Variants in AGAP1 observed in about 807,000 individuals in gnomAD.
AGAP1 encodes arf-GAP with GTPase, ANK repeat and PH domain-containing protein 1.
AGAP1 carries 29 observed loss-of-function variants against 105.3 expected under a neutral mutation model. That is an observed-to-expected ratio of 0.28 (90% CI 0.21 to 0.38). The LOEUF is 0.38. AGAP1 is among the 10% of genes least tolerant of loss of function. The probability of loss-of-function intolerance (pLI) is 1.00; values close to 1 mark genes in which losing one functional copy is unlikely to be tolerated. For missense variants in AGAP1, 998 were observed against 1,165.1 expected (o/e 0.86, Z 2.09); for synonymous variants, 509 against 485.9 (o/e 1.05, Z -0.63).
intron 8 of AGAP1, among the ~76,000 whole-genome samples, chr2:235,806,285 G>A (rs896647694): frequency 6.6e-6 from 1 of 152,106 alleles, no homozygotes; most frequent in African/African-American, 2.4e-5. Flanking sequence ...TGTGAGTAAT[G>A]TTCCCATTGA....
rs371438595 is a variant in AGAP1 at position 235,553,606 on chromosome 2, C to T, written c.163+58757C>T. On this transcript the variant is annotated intron_variant, in intron 1 of 17. Coordinates refer to ENST00000304032, the MANE Select transcript of AGAP1 (RefSeq NM_001037131.3). The surrounding 1 kb of genome is among the most constrained non-coding windows in gnomAD (Gnocchi z 4.5). ...CACATTTGGGGGTGTGGCATTTGTG[C>T]GTGAAGTGGAGCCTGGTCCCTGGTG... Among the ~76,000 whole-genome samples the T allele has an allele frequency of 1.8e-3, 272 of 152,072 alleles. 1 individual carries two copies. The highest frequency in any genetic ancestry group is 6.1e-3 in the African/African-American group (252 of 41,474).
At chr2:235,933,242 G>T (rs540117444) in intron 12 of AGAP1, among the ~76,000 whole-genome samples, 1 of 152,298 alleles carries the variant, frequency 6.6e-6, no homozygotes, top group African/African-American at 2.4e-5. Flanking sequence ...GCAGGAGGAA[G>T]TTATTATAAG....
chr2:235,513,349 C>G (rs1485300764), intron 1 of AGAP1, among the ~76,000 whole-genome samples: 1 of 151,754 alleles, frequency 6.6e-6, no homozygotes, highest in African/African-American at 2.4e-5. Flanking sequence ...GGTGAAACCC[C>G]GTCTCTACTA....
chr2:235,803,677 C>A (rs1957695416), intron 8 of AGAP1, among the ~76,000 whole-genome samples: 1 of 152,124 alleles, frequency 6.6e-6, no homozygotes, highest in South Asian at 2.1e-4. Context: ...CTGCTCTGGG[C>A]TAACATTTTG....
At position 235,611,359 on chromosome 2, in the gene AGAP1, G is replaced by C. The variant is rs561385299; in HGVS notation, c.164-97820G>C. The stretch of plus-strand genomic sequence containing the variant: ...TGCTGCAACGAATATAATAGAAAAT[G>C]ATGTTAATATTCAAGGTCATGGCCA... On this transcript the variant is annotated intron_variant, in intron 1 of 17. Coordinates refer to ENST00000304032, the MANE Select transcript of AGAP1 (RefSeq NM_001037131.3). The surrounding 1 kb of genome is among the most constrained non-coding windows in gnomAD (Gnocchi z 5.0). Among the ~76,000 whole-genome samples, 3 of 152,308 alleles carry C rather than the reference G, an allele frequency of 2.0e-5. No individual in the cohort carries two copies. The highest frequency in any genetic ancestry group is 1.5e-5 in the Non-Finnish European group (1 of 68,030).
At chr2:235,918,792 G>A (rs1445522587) in intron 11 of AGAP1, among the ~76,000 whole-genome samples, 1 of 152,108 alleles carries the variant, frequency 6.6e-6, no homozygotes, top group Non-Finnish European at 1.5e-5. Flanking sequence ...GTAGCTCTCT[G>A]TGGTCCTGAG....
chr2:235,572,003 CTTT>C (rs374791680), intron 1 of AGAP1, among the ~76,000 whole-genome samples: 35 of 93,484 alleles, frequency 3.7e-4, no homozygotes, highest in Middle Eastern at 6.7e-3. Flanking sequence ...CACACACACA[CTTT>C]TTTTTTTTTT....
Position 235,494,755 on chromosome 2 carries a change from C to G in AGAP1, c.69C>G (p.Val23=). Residue 23 remains valine, a synonymous_variant, in exon 1 of 18, where the codon GTC becomes GTG. Coordinates refer to ENST00000304032, the MANE Select transcript of AGAP1 (RefSeq NM_001037131.3). The stretch of plus-strand genomic sequence containing the variant: ...CCGAGATCCAGCGCTTCGAGTCGGT[C>G]CACCCCAACATCTACTCCATCTACG... The part of the protein sequence containing the change: ...IRAEIQRFES[V]HPNIYSIYEL... 6.3e-7 allele frequency: 1 copy of G among 1,575,174 alleles called. No homozygotes were observed. Among genetic ancestry groups the G allele is most frequent in the Non-Finnish European group, 8.6e-7 (1 of 1,161,070 alleles).
At chr2:235,915,129 C>T (rs1205075606) in intron 11 of AGAP1, among the ~76,000 whole-genome samples, 2 of 152,168 alleles carry the variant, frequency 1.3e-5, no homozygotes, top group Non-Finnish European at 2.9e-5. Context: ...TCAGAGCCCA[C>T]AACCAGCCTT....
intron 13 of AGAP1, among the ~76,000 whole-genome samples, chr2:235,991,219 A>T (rs1342769160): frequency 6.6e-6 from 1 of 152,226 alleles, no homozygotes; most frequent in Non-Finnish European, 1.5e-5. Context: ...TGTCTCAAGA[A>T]TTATTATGCA....
rs1324763646 is a variant in AGAP1 at position 235,751,577 on chromosome 2, A to G, written c.673+1089A>G. The stretch of plus-strand genomic sequence containing the variant: ...TCCAAATGGGGCAATTTTCTATTAC[A>G]TGTTTAAATTAGTCTTCAGATGAAA... On this transcript the variant is annotated intron_variant, in intron 6 of 17. Transcript: ENST00000304032. This position sits in a 1 kb window ranked among gnomAD's most constrained non-coding sequence, Gnocchi z 5.3. 2.0e-5 allele frequency among the ~76,000 whole-genome samples: 3 copies of G among 152,152 alleles called. No homozygotes were observed. Among genetic ancestry groups the G allele is most frequent in the Non-Finnish European group, 1.5e-5 (1 of 68,014 alleles).
Position 235,968,422 on chromosome 2 carries a change from A to ATT in AGAP1, c.1484-24_1484-23dup, listed in dbSNP as rs35278826. 839 of 1,450,790 alleles carry ATT rather than the reference A, an allele frequency of 5.8e-4. 1 individual carries two copies. The African/African-American group carries it at 6.1e-3, about 11-fold the overall frequency. 89.9% of individuals were successfully genotyped at this position (1,450,790 alleles called of 1,614,324 possible). A position where few individuals can be genotyped will look rare whatever the true frequency, so the allele number is the denominator to read the frequency against. On this transcript the variant is annotated intron_variant, in intron 12 of 17. Coordinates refer to ENST00000304032, the MANE Select transcript of AGAP1 (RefSeq NM_001037131.3). ...TCTGCTTTGTAAGTGCTCACTCTGC[A>ATT]TTTTTTTTTTTTTTTTTGCCTTTTC...
In AGAP1 at chr2:235,887,422, T is replaced by C. The variant is rs1320979906; in HGVS notation, c.1155+3973T>C. Among the ~76,000 whole-genome samples the C allele has an allele frequency of 2.0e-5, 3 of 152,240 alleles. No individual in the cohort carries two copies. The highest frequency in any genetic ancestry group is 2.1e-4 in the South Asian group (1 of 4,832). On this transcript the variant is annotated intron_variant, in intron 10 of 17. Coordinates refer to ENST00000304032, the MANE Select transcript of AGAP1 (RefSeq NM_001037131.3). The surrounding 1 kb of genome is among the most constrained non-coding windows in gnomAD (Gnocchi z 4.1). Reference sequence around the variant, plus strand: ...TTCTCTCCTCTGGGATTCAGGCCCATGTCCAGCCTCTGTAGACCTATATCA... The same window carrying C: ...TTCTCTCCTCTGGGATTCAGGCCCACGTCCAGCCTCTGTAGACCTATATCA...
rs947406482 is a variant in AGAP1, at chr2:235,555,547, C to T, written c.163+60698C>T. 3.3e-5 allele frequency among the ~76,000 whole-genome samples: 5 copies of T among 152,202 alleles called. No individual in the cohort carries two copies. Among genetic ancestry groups the T allele is most frequent in the Non-Finnish European group, 7.3e-5 (5 of 68,042 alleles). ...GCAGCTTATGTCATGTTCCCTCTGC[C>T]ACCGCCAGCTGTCCTGCAGCAGGAA... On this transcript the variant is annotated intron_variant, in intron 1 of 17. Transcript: ENST00000304032. The surrounding 1 kb of genome is among the most constrained non-coding windows in gnomAD (Gnocchi z 5.1).
chr2:235,502,116 C>G (rs1333502404), intron 1 of AGAP1, among the ~76,000 whole-genome samples: 1 of 152,024 alleles, frequency 6.6e-6, no homozygotes, highest in African/African-American at 2.4e-5. Flanking sequence ...CTGTCTTTCC[C>G]AAGATGCAGT....
intron 13 of AGAP1, among the ~76,000 whole-genome samples, chr2:236,015,299 T>C (rs576987258): frequency 6.6e-6 from 1 of 152,340 alleles, no homozygotes; most frequent in South Asian, 2.1e-4. Context: ...GTAACAGTCT[T>C]AATTTGTTTT....
intron 9 of AGAP1, among the ~76,000 whole-genome samples, chr2:235,835,048 C>T (rs1339524148): frequency 6.6e-6 from 1 of 152,230 alleles, no homozygotes; most frequent in African/African-American, 2.4e-5. Context: ...CCTCGCCCCT[C>T]GGCCTCACAC....
intron 1 of AGAP1, among the ~76,000 whole-genome samples, chr2:235,629,819 A>G (rs1946766030): frequency 6.7e-6 from 1 of 149,654 alleles, no homozygotes. Context: ...AGCCATGATC[A>G]TACTACTGCA....
chr2:235,896,285 T>G (rs1237151594), intron 10 of AGAP1, among the ~76,000 whole-genome samples: 1 of 152,198 alleles, frequency 6.6e-6, no homozygotes, highest in Non-Finnish European at 1.5e-5. Context: ...AGAATTTCCT[T>G]CCTGTTTGAG....
Sources: allele counts gnomAD v4.1 joint callset (sites outside exome capture counted in the v4.1 genomes callset), GRCh38; gene constraint gnomAD v4.1.1; non-coding constraint Gnocchi (gnomAD v3.1); transcripts MANE v1.5; gene names NCBI Gene and HGNC (gene_info 2026-07-23, HGNC 2026-07-21).